TLL1: variants seen among roughly 807,000 people sequenced by gnomAD.
The protein encoded by TLL1 is tolloid-like protein 1.
In TLL1, 49 loss-of-function variants were observed where a neutral mutation model predicts 128.2. The observed-to-expected ratio is 0.38, with a 90% CI of 0.30 to 0.48. The LOEUF is 0.48. TLL1 is among the 20% of genes least tolerant of loss of function. The pLI, the probability that TLL1 is intolerant of heterozygous loss-of-function variation, is 0.96. For synonymous variants in TLL1, 454 were observed against 418.8 expected (o/e 1.08, Z -1.03); for missense variants, 1,123 against 1,242.0 (o/e 0.90, Z 1.44).
At chr4:166,078,342 C>T (rs1473825487) in intron 18 of TLL1, among the ~76,000 whole-genome samples, 1 of 152,014 alleles carries the variant, frequency 6.6e-6, no homozygotes. Context: ...GGAAAATAAA[C>T]GATGGAACAA....
intron 1 of TLL1, among the ~76,000 whole-genome samples, chr4:165,951,526 A>G (rs754634482): frequency 6.6e-6 from 1 of 152,196 alleles, no homozygotes; most frequent in Non-Finnish European, 1.5e-5. Flanking sequence ...GTCAGTGGCT[A>G]CATTCAAGAA....
At chr4:166,099,651 T>G (rs1319116310) in intron 20 of TLL1, 124 bp downstream of exon 20, 3 of 1,263,232 alleles carry the variant, frequency 2.4e-6, no homozygotes, top group Non-Finnish European at 3.4e-6. Flanking sequence ...AAGGCTACAT[T>G]GTATTATAAA....
chr4:165,939,667 C>T (rs575317320), intron 1 of TLL1, among the ~76,000 whole-genome samples: 1 of 152,120 alleles, frequency 6.6e-6, no homozygotes, highest in East Asian at 1.9e-4. Flanking sequence ...TCATTCTTCA[C>T]CTCTGCTGGG....
At chr4:165,891,655 T>A (rs1283324740) in intron 1 of TLL1, among the ~76,000 whole-genome samples, 1 of 152,176 alleles carries the variant, frequency 6.6e-6, no homozygotes, top group Non-Finnish European at 1.5e-5. Context: ...CCATCTGAGA[T>A]CAACTCAGCC....
At chr4:166,058,340 C>G (rs1252030640) in intron 14 of TLL1, among the ~76,000 whole-genome samples, 1 of 152,090 alleles carries the variant, frequency 6.6e-6, no homozygotes, top group Non-Finnish European at 1.5e-5. Flanking sequence ...GTATATCTCC[C>G]TTATTAAAAT....
At chr4:166,035,957 A>G (rs1738977542) in intron 9 of TLL1, among the ~76,000 whole-genome samples, 1 of 152,158 alleles carries the variant, frequency 6.6e-6, no homozygotes, top group African/African-American at 2.4e-5. Context: ...GCCACTCTGG[A>G]AAGTTTACTA....
rs1489461829 is a variant in TLL1, at chr4:166,102,353, T to C, written c.*1477T>C. Reference sequence around the variant, plus strand: ...TCTGCTTTAAAGGCATGTGTGTTTTTAAAATTAATGAATGTAGATGTGTGA... The same window carrying C: ...TCTGCTTTAAAGGCATGTGTGTTTTCAAAATTAATGAATGTAGATGTGTGA... On this transcript the variant is annotated 3_prime_UTR_variant, in exon 21 of 21. Transcript: ENST00000061240. The C allele has an allele frequency of 6.6e-6, 1 of 152,450 alleles. No homozygotes were observed. Among genetic ancestry groups the C allele is most frequent in the Non-Finnish European group, 1.5e-5 (1 of 67,952 alleles). The allele number at this position is 152,450 out of a possible 1,614,324, so 9.4% of individuals were successfully genotyped here. A position where few individuals can be genotyped will look rare whatever the true frequency, so the allele number is the denominator to read the frequency against.
chr4:166,013,216 A>G (rs552710149), intron 7 of TLL1, among the ~76,000 whole-genome samples: 1 of 151,876 alleles, frequency 6.6e-6, no homozygotes, highest in South Asian at 2.1e-4. Context: ...ATCAATATCC[A>G]TCTTCTCACC....
intron 1 of TLL1, among the ~76,000 whole-genome samples, chr4:165,900,666 C>T: frequency 7.2e-6 from 1 of 139,374 alleles, no homozygotes; most frequent in Non-Finnish European, 1.6e-5. Context: ...CTGCCCTTAA[C>T]ATTTTTTTCC....
rs1042455616 is a variant in TLL1, at chr4:166,103,931, G to A, written c.*3055G>A. 3 of 151,182 alleles carry A rather than the reference G, an allele frequency of 2.0e-5. No individual in the cohort carries two copies. The highest frequency in any genetic ancestry group is 3.0e-5 in the Non-Finnish European group (2 of 67,760). The allele number at this position is 151,182 out of a possible 1,614,324, so 9.4% of individuals were successfully genotyped here. On this transcript the variant is annotated 3_prime_UTR_variant, in exon 21 of 21. Coordinates refer to ENST00000061240, the MANE Select transcript of TLL1 (RefSeq NM_012464.5). ...ATAACTGTATTTTATTAAGGAGATC[G>A]TGACTTAACTTAAATGGACAAAATA...
In TLL1 at chr4:166,104,356, A is replaced by G. The variant is rs1012540445; in HGVS notation, c.*3480A>G. On this transcript the variant is annotated 3_prime_UTR_variant, in exon 21 of 21. Coordinates refer to ENST00000061240, the MANE Select transcript of TLL1 (RefSeq NM_012464.5). ...ATCAAATATTTGGAAACTATTGTTT[A>G]CTAATAAGAATAAGACTTGCCTTAT... Among the ~76,000 whole-genome samples the G allele has an allele frequency of 1.3e-5, 2 of 151,988 alleles. No individual in the cohort carries two copies. The highest frequency in any genetic ancestry group is 4.8e-5 in the African/African-American group (2 of 41,432).
rs767025791 is a variant in TLL1 at position 166,074,894 on chromosome 4, T to C, written c.2205T>C (p.Ser735=). Residue 735 remains serine, a synonymous_variant, in exon 17 of 21, where the codon TCT becomes TCC. Coordinates refer to ENST00000061240, the MANE Select transcript of TLL1 (RefSeq NM_012464.5). ...CTTTGCTAGACAAAGATGAATGCTC[T>C]AAGGATAATGGTGGATGTCAGCACG... ...AHFFSDKDEC[S]KDNGGCQHEC... 2 of 1,613,508 alleles carry C rather than the reference T, an allele frequency of 1.2e-6. No individual in the cohort carries two copies. The highest frequency in any genetic ancestry group is 8.5e-7 in the Non-Finnish European group (1 of 1,179,582).
At chr4:165,946,475 G>A (rs543147589) in intron 1 of TLL1, among the ~76,000 whole-genome samples, 15 of 151,528 alleles carry the variant, frequency 9.9e-5, no homozygotes, top group African/African-American at 1.7e-4. Flanking sequence ...TGGGACTAGA[G>A]GCACATGGCA....
intron 18 of TLL1, among the ~76,000 whole-genome samples, chr4:166,080,970 G>C (rs1290119237): frequency 6.6e-6 from 1 of 152,030 alleles, no homozygotes; most frequent in Non-Finnish European, 1.5e-5. Flanking sequence ...GTGAAGGCGA[G>C]GGGTTCTTTA....
At chr4:165,921,414 A>C (rs75938517) in intron 1 of TLL1, among the ~76,000 whole-genome samples, 3,060 of 152,316 alleles carry the variant, frequency 0.02, 37 homozygotes, top group Non-Finnish European at 0.032. Context: ...TTCAGTTACC[A>C]TGGCATATTC....
At chr4:166,049,481 T>G (rs960504733) in intron 12 of TLL1, among the ~76,000 whole-genome samples, 1 of 152,124 alleles carries the variant, frequency 6.6e-6, no homozygotes, top group Non-Finnish European at 1.5e-5. Flanking sequence ...CCATAGCAGG[T>G]TTACAATAAA....
intron 9 of TLL1, among the ~76,000 whole-genome samples, chr4:166,027,240 T>C (rs1253206673): frequency 3.3e-5 from 5 of 151,844 alleles, no homozygotes; most frequent in Non-Finnish European, 7.4e-5. Flanking sequence ...GACTACTAGA[T>C]GGGGGAGCCT....
chr4:166,037,142 A>G (rs1458252855), intron 9 of TLL1, among the ~76,000 whole-genome samples: 1 of 152,148 alleles, frequency 6.6e-6, no homozygotes, highest in Non-Finnish European at 1.5e-5. Context: ...ATAAATGCAA[A>G]ATGAAACATA....
At chr4:166,081,036 T>A (rs1168545694) in intron 18 of TLL1, among the ~76,000 whole-genome samples, 1 of 152,150 alleles carries the variant, frequency 6.6e-6, no homozygotes, top group Non-Finnish European at 1.5e-5. Context: ...GTCTTGGTGT[T>A]GAGCTTTCTC....
Sources: gnomAD v4.1 joint callset for allele counts (sites outside exome capture counted in the v4.1 genomes callset) on GRCh38, gnomAD v4.1.1 for gene constraint, MANE v1.5 for transcripts, NCBI Gene and HGNC (gene_info 2026-07-23, HGNC 2026-07-21) for gene names.